The following MPV17 variants were observed in gnomAD, a reference collection of about 807,000 sequenced individuals.
MPV17 encodes MPV17, mitochondrial inner membrane protein.
In MPV17, 31 loss-of-function variants were observed where a neutral mutation model predicts 28.6. The ratio of observed to expected loss-of-function variants is 1.08; its 90% CI spans 0.81 to 1.46. MPV17 has a LOEUF of 1.46. Ranked by LOEUF, MPV17 falls within the 40% of genes most tolerant of loss-of-function variation. The probability of loss-of-function intolerance (pLI) is 0.00; values close to 1 mark genes in which losing one functional copy is unlikely to be tolerated. For missense variants in MPV17, 198 were observed against 216.2 expected, an observed-to-expected ratio of 0.92 and a Z score of 0.53; for synonymous variants, 87 against 85.3, an observed-to-expected ratio of 1.02 and a Z score of -0.11.
intron 7 of MPV17, 200 bp downstream of exon 7, chr2:27,311,699 G>C (rs1302436727): frequency 6.4e-7 from 1 of 1,551,276 alleles, no homozygotes; most frequent in African/African-American, 1.4e-5. Flanking sequence ...AAGAAGGTCA[G>C]TGGGCAGACA....
At chr2:27,318,185 C>T (rs1299729693) in intron 2 of MPV17, among the ~76,000 whole-genome samples, 3 of 151,410 alleles carry the variant, frequency 2.0e-5, no homozygotes, top group African/African-American at 7.3e-5. Flanking sequence ...TCTCCTGTCT[C>T]CGCCTCCCAA....
chr2:27,317,614 TTGTA>T lies in MPV17; in HGVS notation c.71-4509_71-4506del, dbSNP rs144572797. Among the ~76,000 whole-genome samples the T allele has an allele frequency of 0.011, 1,634 of 152,254 alleles. 15 individuals are homozygous for T. Among genetic ancestry groups the T allele is most frequent in the Non-Finnish European group, 0.018 (1,200 of 68,014 alleles). The stretch of plus-strand genomic sequence containing the variant: ...CTGCAGTCTCCTGGGCTGGACAGGA[TTGTA>T]TGTAAGGCCTATTGAGCTCTCATAC... On this transcript the variant is annotated intron_variant, in intron 2 of 7. Coordinates refer to ENST00000380044, the MANE Select transcript of MPV17 (RefSeq NM_002437.5). This position sits in a 1 kb window ranked among gnomAD's most constrained non-coding sequence, Gnocchi z 4.0.
At chr2:27,311,781 C>A in intron 7 of MPV17, 118 bp downstream of exon 7, 1 of 1,558,798 alleles carries the variant, frequency 6.4e-7, no homozygotes, top group East Asian at 2.3e-5. Context: ...ACTCTGATCA[C>A]GGCTCAGTGT....
rs772990781 is a variant in MPV17, at chr2:27,312,603, A to T, written c.280-14T>A. 14 of 1,614,020 alleles carry T rather than the reference A, an allele frequency of 8.7e-6. No homozygotes were observed. The highest frequency in any genetic ancestry group is 1.1e-5 in the Non-Finnish European group (13 of 1,179,892). On this transcript the variant is annotated splice_polypyrimidine_tract_variant and intron_variant, in intron 4 of 7. Transcript: ENST00000380044. ...GGCAAAGCCCCCCTAGGGAAGAGAA[A>T]TTAAAGTCCTATGAGTGCTGAAATC... is the stretch of plus-strand genomic sequence containing the variant.
chr2:27,312,641 C>G, intron 4 of MPV17, 39 bp downstream of exon 4: 1 of 1,612,998 alleles, frequency 6.2e-7, no homozygotes, highest in Non-Finnish European at 8.5e-7. Context: ...CACCTACCCC[C>G]AACACAGCTC....
intron 7 of MPV17, among the ~76,000 whole-genome samples, chr2:27,310,406 C>T (rs1277697809): frequency 5.3e-5 from 8 of 152,130 alleles, no homozygotes; most frequent in Non-Finnish European, 4.4e-5. Flanking sequence ...CTTTCAGCAC[C>T]CTATGAAGGG....
In MPV17 at chr2:27,312,410, T is replaced by A. The variant is rs751347687; in HGVS notation, c.375+84A>T. The A allele has an allele frequency of 2.7e-6, 4 of 1,507,052 alleles. No homozygotes were observed. In the East Asian group the frequency reaches 6.8e-5, roughly 26 times the overall value. 93.4% of individuals were successfully genotyped at this position (1,507,052 alleles called of 1,614,324 possible). On this transcript the variant is annotated intron_variant, in intron 5 of 7. Transcript: ENST00000380044. ...TGGGGCCCTACCTGCACTTACCCCC[T>A]TTTTTATCCCTGTAAAACCTGTCTT...
chr2:27,311,688 G>A, intron 7 of MPV17: 1 of 1,551,122 alleles, frequency 6.4e-7, no homozygotes, highest in South Asian at 1.2e-5. Flanking sequence ...CTAGGGAGAT[G>A]AAGAAGGTCA....
At chr2:27,315,776 G>A in intron 2 of MPV17, 1 of 457,942 alleles carries the variant, frequency 2.2e-6, no homozygotes, top group Non-Finnish European at 3.1e-6. Context: ...TAGCCAGGCT[G>A]GTCTCAAACT....
At chr2:27,315,231 G>A (rs1465647580) in intron 2 of MPV17, among the ~76,000 whole-genome samples, 2 of 152,226 alleles carry the variant, frequency 1.3e-5, no homozygotes, top group Admixed American at 1.3e-4. Context: ...TCTGAGAAAG[G>A]GTCTGAAGAA....
Position 27,317,660 on chromosome 2 carries a change from C to A in MPV17, c.71-4551G>T, listed in dbSNP as rs1038509055. Among the ~76,000 whole-genome samples, 2 of 152,192 alleles carry A rather than the reference C, an allele frequency of 1.3e-5. No individual in the cohort carries two copies. Among genetic ancestry groups the A allele is most frequent in the Non-Finnish European group, 2.9e-5 (2 of 68,024 alleles). On this transcript the variant is annotated intron_variant, in intron 2 of 7. Transcript: ENST00000380044. This position sits in a 1 kb window ranked among gnomAD's most constrained non-coding sequence, Gnocchi z 4.0. The stretch of plus-strand genomic sequence containing the variant: ...CTCTCATACCCTGGCTTAATTCAGA[C>A]TCCAGGGAAACCAGTATTTGTAAGA...
chr2:27,313,479 T>G (rs1679537737), intron 2 of MPV17: 3 of 506,048 alleles, frequency 5.9e-6, no homozygotes, highest in Non-Finnish European at 1.1e-5. Context: ...TGCAAACCAC[T>G]TATTTTAGAG....
At chr2:27,310,329 C>T (rs192020222) in intron 7 of MPV17, among the ~76,000 whole-genome samples, 304 of 152,190 alleles carry the variant, frequency 2.0e-3, no homozygotes, top group Non-Finnish European at 3.4e-3. Context: ...CTCCTGACCT[C>T]AAGTGAGCCA....
chr2:27,319,306 G>A (rs1019674012), intron 2 of MPV17, among the ~76,000 whole-genome samples: 12 of 151,376 alleles, frequency 7.9e-5, no homozygotes, highest in Admixed American at 1.3e-4. Context: ...TAACCCAAAC[G>A]CCACTATAAA....
intron 2 of MPV17, chr2:27,313,417 G>A (rs762021813): frequency 5.3e-4 from 317 of 597,162 alleles, no homozygotes; most frequent in Non-Finnish European, 8.5e-4. Flanking sequence ...TAAGGCCACA[G>A]GGCTGAGAAC....
intron 2 of MPV17, chr2:27,322,158 T>C (rs1189321448): frequency 2.0e-6 from 1 of 511,368 alleles, no homozygotes. Context: ...GTTTTCCAAG[T>C]TGAGGCCTCC....
intron 2 of MPV17, chr2:27,315,950 A>G (rs909142150): frequency 1.4e-6 from 2 of 1,461,566 alleles, no homozygotes; most frequent in Admixed American, 2.6e-5. Flanking sequence ...TCTCTCAAGG[A>G]GGACCAAGGA....
rs754950866 is a variant in MPV17, at chr2:27,322,069, A to G, written c.70+379T>C. On this transcript the variant is annotated intron_variant, in intron 2 of 7. Coordinates refer to ENST00000380044, the MANE Select transcript of MPV17 (RefSeq NM_002437.5). ...TTAGGTGTGATCTAATGTGGACTCAAGTAACCCTCCTAGCTCACACACCTT... is the reference window on the plus strand; with the variant it reads ...TTAGGTGTGATCTAATGTGGACTCAGGTAACCCTCCTAGCTCACACACCTT... The G allele has an allele frequency of 1.0e-4, 30 of 296,688 alleles. No individual in the cohort carries two copies. The Admixed American group carries it at 1.4e-3, about 14-fold the overall frequency. 18.4% of individuals were successfully genotyped at this position (296,688 alleles called of 1,614,324 possible). A position where few individuals can be genotyped will look rare whatever the true frequency, so the allele number is the denominator to read the frequency against.
chr2:27,312,916 T>C, intron 3 of MPV17, 78 bp downstream of exon 3: 1 of 1,572,126 alleles, frequency 6.4e-7, no homozygotes, highest in Non-Finnish European at 8.8e-7. Flanking sequence ...GGTGTGAGAG[T>C]CCAAGGGAAG....
Sources: allele counts gnomAD v4.1 joint callset (sites outside exome capture counted in the v4.1 genomes callset), GRCh38; gene constraint gnomAD v4.1.1; non-coding constraint Gnocchi (gnomAD v3.1); transcripts MANE v1.5; gene names NCBI Gene and HGNC (gene_info 2026-07-23, HGNC 2026-07-21).